The following GRAMD4 variants were observed in gnomAD, a reference collection of about 807,000 sequenced individuals.
The protein encoded by GRAMD4 is GRAM domain containing 4.
A neutral mutation model predicts 83.9 loss-of-function variants in GRAMD4; 25 were observed. The ratio of observed to expected loss-of-function variants is 0.30; its 90% CI spans 0.22 to 0.42. The LOEUF is 0.42. GRAMD4 is among the 10% of genes least tolerant of loss of function. The pLI, the probability that GRAMD4 is intolerant of heterozygous loss-of-function variation, is 1.00. For missense variants in GRAMD4, 593 were observed against 788.7 expected (o/e 0.75, Z 2.97); for synonymous variants, 336 against 320.9 (o/e 1.05, Z -0.50).
chr22:46,636,284 A>G (rs907681559), intron 2 of GRAMD4, among the ~76,000 whole-genome samples: 6 of 152,178 alleles, frequency 3.9e-5, no homozygotes, highest in Non-Finnish European at 8.8e-5. Flanking sequence ...CAGGCGTCCC[A>G]TGCCTGTTCC....
intron 3 of GRAMD4, among the ~76,000 whole-genome samples, chr22:46,641,916 A>G (rs754428272): frequency 1.6e-4 from 24 of 152,216 alleles, no homozygotes; most frequent in Non-Finnish European, 3.4e-4. Flanking sequence ...GGCAGGGTGC[A>G]TGGTTGGATT....
downstream of GRAMD4, chr22:46,682,387 G>A: frequency 1.0e-6 from 1 of 978,760 alleles, no homozygotes; most frequent in South Asian, 4.7e-5. Flanking sequence ...ATGATATGAT[G>A]ACAGAAAACC....
At chr22:46,647,170 G>A (rs547458659) in intron 3 of GRAMD4, among the ~76,000 whole-genome samples, 68 of 152,272 alleles carry the variant, frequency 4.5e-4, no homozygotes, top group Non-Finnish European at 2.4e-4. Flanking sequence ...AATAAGTGAC[G>A]ACTGTGAGTG....
At chr22:46,627,091 T>C in intron 2 of GRAMD4, 130 bp downstream of exon 2, 1 of 671,154 alleles carries the variant, frequency 1.5e-6, no homozygotes, top group Non-Finnish European at 2.6e-6. Flanking sequence ...GGCCTGACTC[T>C]CTGTCTCACC....
At chr22:46,668,764 C>CG (rs746286416) in intron 12 of GRAMD4, 32 bp downstream of exon 12, 21 of 1,175,880 alleles carry the variant, frequency 1.8e-5, no homozygotes, top group Non-Finnish European at 2.4e-5. Context: ...GGCCCTGCGG[C>CG]GCCCGCCCGG....
chr22:46,627,880 C>A (rs1239127865), intron 2 of GRAMD4, among the ~76,000 whole-genome samples: 1 of 152,262 alleles, frequency 6.6e-6, no homozygotes, highest in Non-Finnish European at 1.5e-5. Context: ...CCTGGGGCAT[C>A]ACTACAGACC....
At chr22:46,637,061 G>A (rs536160820) in intron 2 of GRAMD4, among the ~76,000 whole-genome samples, 12 of 152,214 alleles carry the variant, frequency 7.9e-5, no homozygotes, top group South Asian at 2.1e-4. Context: ...CCTTCTGCCC[G>A]GGGGCCAGTC....
chr22:46,589,633 G>C (rs146726935), intron 1 of GRAMD4, among the ~76,000 whole-genome samples: 45 of 152,244 alleles, frequency 3.0e-4, no homozygotes, highest in African/African-American at 9.4e-4. Flanking sequence ...AGAGTTCCCA[G>C]CTCTGCCTGC....
intron 1 of GRAMD4, among the ~76,000 whole-genome samples, chr22:46,599,209 G>A (rs560977971): frequency 6.6e-6 from 1 of 152,308 alleles, no homozygotes; most frequent in African/African-American, 2.4e-5. Context: ...CCTGGGCGCA[G>A]ACAGGGCCTG....
At position 46,620,832 on chromosome 22, in the gene GRAMD4, C is replaced by T. The variant is rs1483609974; in HGVS notation, c.-50+267C>T. ...GAGAACCTGGCCTGGTCAGGAGGGC[C>T]GGCAAGAGGAGGAGCCTCCCAGGAA... On this transcript the variant is annotated intron_variant, in intron 1 of 18. Transcript: ENST00000406902. The surrounding 1 kb of genome is among the most constrained non-coding windows in gnomAD (Gnocchi z 4.7). Among the ~76,000 whole-genome samples, 6 of 152,060 alleles carry T rather than the reference C, an allele frequency of 3.9e-5. No homozygotes were observed. The highest frequency in any genetic ancestry group is 5.9e-5 in the Non-Finnish European group (4 of 67,992).
intron 14 of GRAMD4, 49 bp from the exon 15 acceptor site, chr22:46,673,621 T>TGCAGGCGTGG (rs2082547546): frequency 6.3e-7 from 1 of 1,590,772 alleles, no homozygotes; most frequent in Non-Finnish European, 8.6e-7. Flanking sequence ...ATCTGGGTGC[T>TGCAGGCGTGG]GCAGGCGTGG....
At chr22:46,598,101 C>A (rs915511885) in intron 1 of GRAMD4, among the ~76,000 whole-genome samples, 1 of 152,168 alleles carries the variant, frequency 6.6e-6, no homozygotes, top group African/African-American at 2.4e-5. Context: ...TATGCCTCAG[C>A]TTCCGGAGTA....
chr22:46,589,733 G>A (rs905025081), intron 1 of GRAMD4, among the ~76,000 whole-genome samples: 1 of 152,084 alleles, frequency 6.6e-6, no homozygotes, highest in Non-Finnish European at 1.5e-5. Context: ...TCATGGGGTG[G>A]ATCCTTAACT....
chr22:46,680,552 GTCCGTCCGTCCGTCCATCCA>G (rs1569313286), downstream of GRAMD4, among the ~76,000 whole-genome samples: 11 of 62,538 alleles, frequency 1.8e-4, no homozygotes, highest in African/African-American at 6.6e-4. Flanking sequence ...CTGTCCGTCC[GTCCGTCCGTCCGTCCATCCA>G]TCCATCCATC....
At chr22:46,603,281 C>T (rs2081330681) in intron 1 of GRAMD4, among the ~76,000 whole-genome samples, 1 of 146,744 alleles carries the variant, frequency 6.8e-6, no homozygotes. Flanking sequence ...GACCTCGGCT[C>T]ACTGCAAGCT....
chr22:46,602,330 A>G (rs960792006), intron 1 of GRAMD4, among the ~76,000 whole-genome samples: 2 of 152,200 alleles, frequency 1.3e-5, no homozygotes, highest in African/African-American at 4.8e-5. Context: ...CCACACCCAC[A>G]TGCTGTGCCT....
chr22:46,661,770 T>C (rs993124785), intron 5 of GRAMD4, among the ~76,000 whole-genome samples: 3 of 152,218 alleles, frequency 2.0e-5, no homozygotes, highest in Non-Finnish European at 4.4e-5. Flanking sequence ...AACAGTGATG[T>C]GAGAGCCACG....
At chr22:46,608,512 C>G (rs1388484176) in intron 1 of GRAMD4, among the ~76,000 whole-genome samples, 1 of 152,114 alleles carries the variant, frequency 6.6e-6, no homozygotes. Context: ...AACCCCATCT[C>G]TACTAAAAAT....
At chr22:46,635,127 TG>T (rs1365507663) in intron 2 of GRAMD4, among the ~76,000 whole-genome samples, 2 of 145,216 alleles carry the variant, frequency 1.4e-5, no homozygotes, top group African/African-American at 5.3e-5. Flanking sequence ...ACTCCTGTCC[TG>T]GGGAACCGTG....
Sources: gnomAD v4.1 joint callset for allele counts (sites outside exome capture counted in the v4.1 genomes callset) on GRCh38, gnomAD v4.1.1 for gene constraint, Gnocchi (gnomAD v3.1) non-coding constraint, MANE v1.5 for transcripts, NCBI Gene and HGNC (gene_info 2026-07-23, HGNC 2026-07-21) for gene names.